The following KLHL32 variants were observed in gnomAD, a reference collection of about 807,000 sequenced individuals.
KLHL32 encodes the protein kelch-like protein 32.
In KLHL32, 35 loss-of-function variants were observed where a neutral mutation model predicts 64.8. The ratio of observed to expected loss-of-function variants is 0.54; its 90% CI spans 0.41 to 0.72. The LOEUF (loss-of-function observed/expected upper bound fraction) is 0.72. KLHL32 is among the 30% of genes least tolerant of loss of function. The pLI is 0.00. For missense variants in KLHL32, 589 were observed against 768.5 expected (o/e 0.77, Z 2.76); for synonymous variants, 259 against 281.0 (o/e 0.92, Z 0.78).
intron 10 of KLHL32, among the ~76,000 whole-genome samples, chr6:97,136,245 C>T (rs977756702): frequency 6.6e-6 from 1 of 152,126 alleles, no homozygotes; most frequent in Non-Finnish European, 1.5e-5. Context: ...TTAACTGTCC[C>T]TTCTGGACCC....
chr6:97,068,615 C>T (rs1450745854), intron 5 of KLHL32, among the ~76,000 whole-genome samples: 1 of 152,180 alleles, frequency 6.6e-6, no homozygotes, highest in Admixed American at 6.6e-5. Flanking sequence ...ACAGGAAATA[C>T]AGTTTTGTCT....
intron 6 of KLHL32, among the ~76,000 whole-genome samples, chr6:97,094,880 C>T (rs759593645): frequency 2.6e-5 from 4 of 152,004 alleles, no homozygotes; most frequent in Non-Finnish European, 4.4e-5. Context: ...TGAGGAATGC[C>T]CACTACCTTC....
At chr6:96,965,624 G>A (rs1430128593) in intron 1 of KLHL32, among the ~76,000 whole-genome samples, 2 of 152,158 alleles carry the variant, frequency 1.3e-5, no homozygotes, top group Non-Finnish European at 2.9e-5. Context: ...AAGTGTCCAT[G>A]CCTGTTGGAG....
intron 3 of KLHL32, among the ~76,000 whole-genome samples, chr6:97,007,425 G>T (rs546658824): frequency 7.2e-5 from 11 of 152,160 alleles, no homozygotes; most frequent in African/African-American, 2.7e-4. Flanking sequence ...ATTGGGTTTT[G>T]ATTTTCTCTT....
the KLHL32 span, among the ~76,000 whole-genome samples, chr6:96,915,354 C>A: frequency 7.2e-5 from 11 of 152,220 alleles, no homozygotes; most frequent in Admixed American, 7.2e-4. Context: ...TCCAAATGGG[C>A]AAGATAATAG....
intron 5 of KLHL32, among the ~76,000 whole-genome samples, chr6:97,069,648 C>T (rs1651660798): frequency 6.6e-6 from 1 of 152,052 alleles, no homozygotes; most frequent in Admixed American, 6.6e-5. Flanking sequence ...ACCCTCCCTC[C>T]CTTCACATCG....
intron 10 of KLHL32, 134 bp from the exon 11 acceptor site, chr6:97,138,987 C>G: frequency 1.3e-6 from 1 of 780,570 alleles, no homozygotes; most frequent in South Asian, 2.0e-5. Flanking sequence ...ACCATCCAAG[C>G]AAGAAAAAGA....
chr6:97,121,004 C>T (rs1454998814), intron 7 of KLHL32, among the ~76,000 whole-genome samples: 5 of 152,138 alleles, frequency 3.3e-5, no homozygotes, highest in Non-Finnish European at 7.4e-5. Flanking sequence ...TGTTAGAGAG[C>T]TAAATGATTT....
intron 6 of KLHL32, among the ~76,000 whole-genome samples, chr6:97,095,477 G>T (rs1794854318): frequency 6.6e-6 from 1 of 152,200 alleles, no homozygotes; most frequent in African/African-American, 2.4e-5. Flanking sequence ...CTTGGATTCT[G>T]GGAGTTAGAA....
intron 3 of KLHL32, among the ~76,000 whole-genome samples, chr6:97,038,633 A>G (rs1414928736): frequency 1.3e-5 from 2 of 152,130 alleles, no homozygotes; most frequent in African/African-American, 2.4e-5. Flanking sequence ...TGTAGCTAGC[A>G]TATGACTCAG....
intron 6 of KLHL32, among the ~76,000 whole-genome samples, chr6:97,112,811 CATAA>C (rs1797335302): frequency 6.7e-6 from 1 of 149,738 alleles, no homozygotes; most frequent in Non-Finnish European, 1.5e-5. Context: ...GGTACATTAT[CATAA>C]ATAACAAAAT....
intron 3 of KLHL32, among the ~76,000 whole-genome samples, chr6:97,036,355 G>T (rs1784289372): frequency 6.6e-6 from 1 of 152,076 alleles, no homozygotes; most frequent in Admixed American, 6.5e-5. Context: ...GCAATTCATA[G>T]GTCCCCATTT....
chr6:96,915,525 T>C, the KLHL32 span, among the ~76,000 whole-genome samples: 1 of 152,140 alleles, frequency 6.6e-6, no homozygotes, highest in African/African-American at 2.4e-5. Flanking sequence ...CTCCTCAACT[T>C]AGAAGCAGCT....
At chr6:97,130,667 T>TA in intron 8 of KLHL32, 90 bp from the exon 9 acceptor site, 1 of 915,244 alleles carries the variant, frequency 1.1e-6, no homozygotes, top group Non-Finnish European at 1.6e-6. Context: ...TGATAAACAT[T>TA]AGGGTTCTCA....
intron 3 of KLHL32, among the ~76,000 whole-genome samples, chr6:97,028,366 C>G (rs1783038762): frequency 6.6e-6 from 1 of 152,136 alleles, no homozygotes; most frequent in Non-Finnish European, 1.5e-5. Flanking sequence ...TTGCTTCTTA[C>G]ACACACCCAG....
the KLHL32 span, among the ~76,000 whole-genome samples, chr6:96,906,478 G>T: frequency 6.6e-6 from 1 of 152,100 alleles, no homozygotes; most frequent in Non-Finnish European, 1.5e-5. Flanking sequence ...CTGAGTGAAG[G>T]TCTCTTGAGT....
At chr6:96,984,285 G>C (rs1776724031) in intron 3 of KLHL32, among the ~76,000 whole-genome samples, 1 of 152,196 alleles carries the variant, frequency 6.6e-6, no homozygotes, top group Admixed American at 6.5e-5. Context: ...TTGCTGAGGA[G>C]TGCTTTACTT....
intron 4 of KLHL32, among the ~76,000 whole-genome samples, chr6:97,043,489 T>C (rs1785442152): frequency 6.6e-6 from 1 of 152,218 alleles, no homozygotes; most frequent in African/African-American, 2.4e-5. Flanking sequence ...GTTGCATTCA[T>C]ATCTTAGTTA....
intron 10 of KLHL32, among the ~76,000 whole-genome samples, chr6:97,135,141 A>G (rs967630945): frequency 6.6e-6 from 1 of 151,998 alleles, no homozygotes; most frequent in South Asian, 2.1e-4. Flanking sequence ...TTGTACAATA[A>G]TATATTCTAA....
Sources: gnomAD v4.1 joint callset for allele counts (sites outside exome capture counted in the v4.1 genomes callset) on GRCh38, gnomAD v4.1.1 for gene constraint, MANE v1.5 for transcripts, NCBI Gene and HGNC (gene_info 2026-07-23, HGNC 2026-07-21) for gene names.